PRUNE2: variants seen among roughly 807,000 people sequenced by gnomAD.
PRUNE2 encodes prune homolog 2 with BCH domain, also known as protein prune homolog 2.
A neutral mutation model predicts 252.0 loss-of-function variants in PRUNE2; 164 were observed. That is an observed-to-expected ratio of 0.65 (90% CI 0.57 to 0.74). The LOEUF is 0.74. Among genes scored for constraint, PRUNE2 ranks in the 30% least tolerant of loss-of-function variants. PRUNE2 has a pLI of 0.00. For missense variants in PRUNE2, 3,495 were observed against 3,711.0 expected (o/e 0.94, Z 1.51); for synonymous variants, 1,292 against 1,350.2 (o/e 0.96, Z 0.94).
chr9:76,729,563 T>C (rs1383339958), intron 6 of PRUNE2, among the ~76,000 whole-genome samples: 2 of 152,182 alleles, frequency 1.3e-5, no homozygotes, highest in Non-Finnish European at 2.9e-5. Context: ...AGCATTCTTC[T>C]ACTGTATATT....
intron 6 of PRUNE2, among the ~76,000 whole-genome samples, chr9:76,770,454 T>C (rs2052969574): frequency 6.6e-6 from 1 of 152,192 alleles, no homozygotes; most frequent in Non-Finnish European, 1.5e-5. Flanking sequence ...CTTTTTCAAA[T>C]GAATATATGA....
At chr9:76,780,525 A>T (rs935036564) in intron 6 of PRUNE2, among the ~76,000 whole-genome samples, 7 of 151,444 alleles carry the variant, frequency 4.6e-5, no homozygotes, top group African/African-American at 1.7e-4. Flanking sequence ...GTTTCTAATA[A>T]AAAAAAATAC....
chr9:76,770,462 T>C (rs898954734), intron 6 of PRUNE2, among the ~76,000 whole-genome samples: 1 of 152,136 alleles, frequency 6.6e-6, no homozygotes, highest in African/African-American at 2.4e-5. Context: ...AATGAATATA[T>C]GATTCAAAAA....
intron 6 of PRUNE2, chr9:76,788,231 A>T (rs577281724): frequency 7.6e-4 from 398 of 522,494 alleles, no homozygotes; most frequent in Non-Finnish European, 1.2e-3. Context: ...CTGAAGACAT[A>T]AGAGTCAAAA....
intron 6 of PRUNE2, among the ~76,000 whole-genome samples, chr9:76,749,443 C>A (rs1274410456): frequency 6.6e-6 from 1 of 152,238 alleles, no homozygotes; most frequent in Non-Finnish European, 1.5e-5. Context: ...AAGCCCCTCA[C>A]TTCAAGGTAT....
intron 1 of PRUNE2, among the ~76,000 whole-genome samples, chr9:76,889,082 C>T (rs1385522864): frequency 6.6e-6 from 1 of 151,998 alleles, no homozygotes; most frequent in Non-Finnish European, 1.5e-5. Context: ...AACTCCTGAC[C>T]TCAGGTGATC....
At chr9:76,749,490 T>C (rs1370896776) in intron 6 of PRUNE2, among the ~76,000 whole-genome samples, 3 of 152,202 alleles carry the variant, frequency 2.0e-5, no homozygotes, top group Non-Finnish European at 4.4e-5. Context: ...ATAACCTCCA[T>C]GTACTGATTT....
chr9:76,882,955 T>C (rs144096223), intron 1 of PRUNE2, among the ~76,000 whole-genome samples: 1 of 152,142 alleles, frequency 6.6e-6, no homozygotes, highest in East Asian at 1.9e-4. Context: ...AGCTGCTCTT[T>C]ATTAGGTATA....
Position 76,823,685 on chromosome 9 carries a change from G to T in PRUNE2, c.703C>A (p.Leu235Met). 6 of 1,611,688 alleles carry T rather than the reference G, an allele frequency of 3.7e-6. No homozygotes were observed. Among genetic ancestry groups the T allele is most frequent in the Non-Finnish European group, 5.1e-6 (6 of 1,178,056 alleles). ...EQTMLKDLKE[L>M]SDGEIKVAIS... Reference sequence around the variant, plus strand: ...GCCACTTTTATTTCTCCATCTGACAGCTCCTTTAGATCTTTCAACATTGTC... The same window carrying T: ...GCCACTTTTATTTCTCCATCTGACATCTCCTTTAGATCTTTCAACATTGTC... The change falls in exon 6 of 19, where the codon CTG becomes ATG. Residue 235 changes from leucine (L) to methionine (M), a missense_variant. Coordinates refer to ENST00000376718, the MANE Select transcript of PRUNE2 (RefSeq NM_015225.3).
intron 6 of PRUNE2, among the ~76,000 whole-genome samples, chr9:76,743,773 A>T (rs1588970699): frequency 6.6e-6 from 1 of 152,238 alleles, no homozygotes; most frequent in African/African-American, 2.4e-5. Flanking sequence ...ATAAGTATGT[A>T]TATATGTCTG....
At chr9:76,876,369 C>T (rs2061476611) in intron 1 of PRUNE2, among the ~76,000 whole-genome samples, 1 of 152,174 alleles carries the variant, frequency 6.6e-6, no homozygotes, top group Non-Finnish European at 1.5e-5. Flanking sequence ...GCTAGAGGCA[C>T]TGAGGGTTCC....
chr9:76,632,904 TTAAAAA>T (rs1256928703), intron 15 of PRUNE2, among the ~76,000 whole-genome samples: 1 of 152,146 alleles, frequency 6.6e-6, no homozygotes, highest in African/African-American at 2.4e-5. Context: ...TTAAGGTGGT[TTAAAAA>T]ATGTAAAAAT....
intron 6 of PRUNE2, among the ~76,000 whole-genome samples, chr9:76,715,958 T>C (rs1816655334): frequency 6.6e-6 from 1 of 152,042 alleles, no homozygotes; most frequent in South Asian, 2.1e-4. Context: ...CAATAAGCCT[T>C]ACAGTTTTCC....
At chr9:76,803,205 C>T (rs2056683751) in intron 6 of PRUNE2, among the ~76,000 whole-genome samples, 1 of 152,186 alleles carries the variant, frequency 6.6e-6, no homozygotes, top group African/African-American at 2.4e-5. Context: ...TGGTCTCACA[C>T]ACCACTTTGG....
At chr9:76,637,692 C>A in intron 13 of PRUNE2, 143 bp from the exon 14 acceptor site, 1 of 672,676 alleles carries the variant, frequency 1.5e-6, no homozygotes. Flanking sequence ...ATACAATTAC[C>A]TAAGAGCATT....
In PRUNE2 at chr9:76,645,007, G is replaced by A. The variant is rs192311043; in HGVS notation, c.8558-98C>T. 110 of 1,096,762 alleles carry A rather than the reference G, an allele frequency of 1.0e-4. No homozygotes were observed. The Admixed American group carries it at 1.2e-3, about 12-fold the overall frequency. 67.9% of individuals were successfully genotyped at this position (1,096,762 alleles called of 1,614,324 possible). On this transcript the variant is annotated intron_variant, in intron 11 of 18. Transcript: ENST00000376718. ...AAGCTTTACAATACAGTACTCCTAC[G>A]GGCAGCCTTTGTTTTGTTTCATCCT...
intron 6 of PRUNE2, among the ~76,000 whole-genome samples, chr9:76,716,636 T>A (rs570763356): frequency 6.6e-6 from 1 of 152,228 alleles, no homozygotes; most frequent in African/African-American, 2.4e-5. Flanking sequence ...TCTTTTTCTT[T>A]ATTTTTTTTT....
At chr9:76,869,498 T>C (rs534336520) in intron 1 of PRUNE2, among the ~76,000 whole-genome samples, 6 of 152,130 alleles carry the variant, frequency 3.9e-5, no homozygotes, top group Non-Finnish European at 7.3e-5. Flanking sequence ...TTTTGCAAAA[T>C]AGAAAACCCT....
rs1253870821 is a variant in PRUNE2 at position 76,705,497 on chromosome 9, A to T, written c.6777T>A (p.Ser2259Arg). ...SWISDSFSPE[S>R]QPGARALFDG... ...CAAACAAAGCTCTTGCACCAGGCTG[A>T]CTTTCAGGAGAAAAGCTGTCTGATA... is the stretch of plus-strand genomic sequence containing the variant. The change falls in exon 8 of 19, where the codon AGT becomes AGA. Residue 2259 changes from serine to arginine, a missense_variant. Coordinates refer to ENST00000376718, the MANE Select transcript of PRUNE2 (RefSeq NM_015225.3). 3.1e-6 allele frequency: 5 copies of T among 1,613,894 alleles called. No homozygotes were observed. In the African/African-American group the frequency reaches 6.7e-5, roughly 22 times the overall value.
Sources: allele counts gnomAD v4.1 joint callset (sites outside exome capture counted in the v4.1 genomes callset), GRCh38; gene constraint gnomAD v4.1.1; transcripts MANE v1.5; gene names NCBI Gene and HGNC (gene_info 2026-07-23, HGNC 2026-07-21).